Variants in FRMD4B observed in about 807,000 individuals in gnomAD.
The protein encoded by FRMD4B is FERM domain-containing protein 4B.
Under a neutral mutation model 141.5 loss-of-function variants are expected in FRMD4B, and 74 were observed. That is an observed-to-expected ratio of 0.52 (90% CI 0.43 to 0.63). The LOEUF is 0.63. Ranked by LOEUF, FRMD4B falls within the 30% of genes least tolerant of loss-of-function variation. The probability of loss-of-function intolerance (pLI) is 0.00; values close to 1 mark genes in which losing one functional copy is unlikely to be tolerated. For missense variants in FRMD4B, 1,366 were observed against 1,253.4 expected, an observed-to-expected ratio of 1.09 and a Z score of -1.36; for synonymous variants, 506 against 467.9, an observed-to-expected ratio of 1.08 and a Z score of -1.05.
At chr3:69,250,220 A>C in intron 5 of FRMD4B, 121 bp from the exon 6 acceptor site, 5 of 769,234 alleles carry the variant, frequency 6.5e-6, no homozygotes, top group Non-Finnish European at 9.5e-6. Flanking sequence ...AATGCAGATC[A>C]TACCATTGCA....
At chr3:69,482,772 C>T (rs1470601446) in intron 1 of FRMD4B, among the ~76,000 whole-genome samples, 1 of 152,222 alleles carries the variant, frequency 6.6e-6, no homozygotes, top group Non-Finnish European at 1.5e-5. Flanking sequence ...GAAATGACCT[C>T]GGGTGACCCC....
Position 69,193,657 on chromosome 3 carries a change from C to A in FRMD4B, c.1705G>T (p.Val569Leu). Reference sequence around the variant, plus strand: ...CTTACTTATTACTAACCTGGTAACACTGTTGCTTTCTGGCTGGGTTTCTTT... The same window carrying A: ...CTTACTTATTACTAACCTGGTAACAATGTTGCTTTCTGGCTGGGTTTCTTT... ...CGKKPSQKAT[V>L]LPEDIIPSES... Residue 569 changes from valine (V) to leucine (L), a missense_variant, in exon 17 of 23, where the codon GTG becomes TTG. Transcript: ENST00000398540. 1 of 1,604,232 alleles carries A rather than the reference C, an allele frequency of 6.2e-7. No homozygotes were observed.
chr3:69,248,244 T>TACACACACACAC (rs147851519), intron 7 of FRMD4B, among the ~76,000 whole-genome samples: 70 of 150,786 alleles, frequency 4.6e-4, no homozygotes, highest in African/African-American at 1.6e-3. Context: ...AAAATGTAAA[T>TACACACACACAC]ACACACACAC....
chr3:69,169,353 C>CTTCCTTTTTTTT lies in FRMD4B; in HGVS notation c.*2507_*2508insAAAAAAAAGGAA, dbSNP rs1553691418. On this transcript the variant is annotated 3_prime_UTR_variant, in exon 23 of 23. Coordinates refer to ENST00000398540, the MANE Select transcript of FRMD4B (RefSeq NM_015123.3). ...AGGATTGCTGAACTTCCATTTCTTTCTTTTTTTTTTTTTTTTTTTTTTCTT... is the reference window on the plus strand; with the variant it reads ...AGGATTGCTGAACTTCCATTTCTTTCTTCCTTTTTTTTTTTTTTTTTTTTTTTTTTTTTTCTT... Among the ~76,000 whole-genome samples, 3 of 29,286 alleles carry CTTCCTTTTTTTT rather than the reference C, an allele frequency of 1.0e-4. 1 individual carries two copies. Among genetic ancestry groups the CTTCCTTTTTTTT allele is most frequent in the Admixed American group, 1.2e-3 (2 of 1,662 alleles). 19.2% of individuals were successfully genotyped at this position (29,286 alleles called of 152,430 possible).
chr3:69,229,592 T>C (rs529582261), intron 7 of FRMD4B, among the ~76,000 whole-genome samples: 7 of 152,192 alleles, frequency 4.6e-5, no homozygotes, highest in Non-Finnish European at 2.9e-5. Context: ...CACAGATAGC[T>C]TGGCAGAAAA....
Position 69,193,682 on chromosome 3 carries a change from T to A in FRMD4B, c.1680A>T (p.Gly560=). The A allele has an allele frequency of 6.2e-7, 1 of 1,613,426 alleles. No individual in the cohort carries two copies. The highest frequency in any genetic ancestry group is 8.5e-7 in the Non-Finnish European group (1 of 1,179,472). Residue 560 remains glycine (G), a synonymous_variant, in exon 17 of 23, where the codon GGA becomes GGT. Coordinates refer to ENST00000398540, the MANE Select transcript of FRMD4B (RefSeq NM_015123.3). ...CTGTTGCTTTCTGGCTGGGTTTCTTTCCACACCTAATTCGGTATTCGTTTA... is the reference window on the plus strand; with the variant it reads ...CTGTTGCTTTCTGGCTGGGTTTCTTACCACACCTAATTCGGTATTCGTTTA... ...NAINEYRIRC[G]KKPSQKATVL...
At chr3:69,172,463 T>C (rs927518107) in intron 22 of FRMD4B, among the ~76,000 whole-genome samples, 5 of 152,216 alleles carry the variant, frequency 3.3e-5, no homozygotes, top group Non-Finnish European at 7.3e-5. Context: ...ATTAATGAGT[T>C]AAACAAATCT....
intron 2 of FRMD4B, among the ~76,000 whole-genome samples, chr3:69,427,654 T>TTTTTTTTTTTTTTTTTG (rs1705108083): frequency 8.2e-6 from 1 of 122,290 alleles, no homozygotes; most frequent in African/African-American, 3.3e-5. Flanking sequence ...TTTTTTTTTT[T>TTTTTTTTTTTTTTTTTG]TTTTTTTTTT....
At chr3:69,434,325 G>A (rs946131313) in intron 1 of FRMD4B, among the ~76,000 whole-genome samples, 6 of 151,688 alleles carry the variant, frequency 4.0e-5, no homozygotes, top group African/African-American at 7.3e-5. Context: ...CACATCACTT[G>A]TATTCTGCTA....
At position 69,196,766 on chromosome 3, in the gene FRMD4B, T is replaced by A. The variant is rs1195734273; in HGVS notation, c.1092+134A>T. The A allele has an allele frequency of 2.1e-5, 14 of 652,112 alleles. No homozygotes were observed. In the East Asian group the frequency reaches 3.9e-4, roughly 18 times the overall value. The allele number at this position is 652,112 out of a possible 1,614,324, so 40.4% of individuals were successfully genotyped here. On this transcript the variant is annotated intron_variant, in intron 13 of 22. Coordinates refer to ENST00000398540, the MANE Select transcript of FRMD4B (RefSeq NM_015123.3). Reference sequence around the variant, plus strand: ...ATGTAAACATATAAAAAACCTGAAATAGTTGGAAGTTAAACGCAAAAAAAT... The same window carrying A: ...ATGTAAACATATAAAAAACCTGAAAAAGTTGGAAGTTAAACGCAAAAAAAT...
At chr3:69,502,481 G>A (rs1425509783) in intron 1 of FRMD4B, among the ~76,000 whole-genome samples, 2 of 152,310 alleles carry the variant, frequency 1.3e-5, no homozygotes, top group East Asian at 3.9e-4. Flanking sequence ...CTAGCCATAT[G>A]TAGAAAGCTG....
chr3:69,438,073 T>C (rs1460070572), intron 1 of FRMD4B, among the ~76,000 whole-genome samples: 1 of 146,614 alleles, frequency 6.8e-6, no homozygotes, highest in Non-Finnish European at 1.5e-5. Flanking sequence ...TTACATAATA[T>C]ATTATTATCT....
At position 69,196,241 on chromosome 3, in the gene FRMD4B, T is replaced by G; in HGVS notation, c.1234+14A>C. ...TAAAGATGGCTTGCACGTTCTCTAA[T>G]CCCAAGATGTTACCTGAGGAGATTA... On this transcript the variant is annotated intron_variant, in intron 14 of 22. Transcript: ENST00000398540. The G allele has an allele frequency of 6.4e-7, 1 of 1,559,812 alleles. No homozygotes were observed. Among genetic ancestry groups the G allele is most frequent in the Non-Finnish European group, 8.6e-7 (1 of 1,159,208 alleles).
At chr3:69,365,390 C>A (rs999838763) in intron 1 of FRMD4B, among the ~76,000 whole-genome samples, 2 of 152,120 alleles carry the variant, frequency 1.3e-5, no homozygotes, top group Non-Finnish European at 2.9e-5. Flanking sequence ...AAAATAAAAA[C>A]AAATAAAATG....
chr3:69,253,235 A>C (rs1054105902), intron 5 of FRMD4B, among the ~76,000 whole-genome samples: 152 of 147,786 alleles, frequency 1.0e-3, no homozygotes, highest in African/African-American at 3.5e-3. Context: ...AGGATCAGGA[A>C]GATGAAGTGT....
chr3:69,331,410 A>G (rs1003756879), intron 1 of FRMD4B, among the ~76,000 whole-genome samples: 14 of 152,296 alleles, frequency 9.2e-5, no homozygotes, highest in African/African-American at 3.1e-4. Flanking sequence ...CCTGCCCTCT[A>G]ACTAGCTGGT....
At chr3:69,242,575 T>A (rs1256377721) in intron 7 of FRMD4B, among the ~76,000 whole-genome samples, 1 of 140,850 alleles carries the variant, frequency 7.1e-6, no homozygotes, top group African/African-American at 2.6e-5. Flanking sequence ...AGCTGGGTGT[T>A]AATATACTCT....
chr3:69,227,610 C>T (rs374047053), intron 7 of FRMD4B, among the ~76,000 whole-genome samples: 6 of 150,228 alleles, frequency 4.0e-5, no homozygotes, highest in East Asian at 2.0e-4. Context: ...TGCAGTGAGC[C>T]GAGATCGCGC....
At chr3:69,250,156 A>G (rs756236297) in intron 5 of FRMD4B, 57 bp from the exon 6 acceptor site, 1 of 1,195,554 alleles carries the variant, frequency 8.4e-7, no homozygotes, top group Admixed American at 1.7e-5. Context: ...ATTGTAGCAA[A>G]TGGCTCTGAA....
Sources: gnomAD v4.1 joint callset for allele counts (sites outside exome capture counted in the v4.1 genomes callset) on GRCh38, gnomAD v4.1.1 for gene constraint, MANE v1.5 for transcripts, NCBI Gene and HGNC (gene_info 2026-07-23, HGNC 2026-07-21) for gene names.